The following CDH13 variants were observed in gnomAD, a reference collection of about 807,000 sequenced individuals.
CDH13 encodes cadherin-13.
CDH13 carries 24 observed loss-of-function variants against 63.8 expected under a neutral mutation model. That is an observed-to-expected ratio of 0.38 (90% CI 0.27 to 0.53). The LOEUF (loss-of-function observed/expected upper bound fraction) is 0.53, where lower values mean the gene tolerates loss of function less well. Among genes scored for constraint, CDH13 ranks in the 20% least tolerant of loss-of-function variants. The probability of loss-of-function intolerance (pLI) is 0.85; values close to 1 mark genes in which losing one functional copy is unlikely to be tolerated. For synonymous variants in CDH13, 503 were observed against 355.3 expected, an observed-to-expected ratio of 1.42 and a Z score of -4.67; for missense variants, 1,049 against 903.1, an observed-to-expected ratio of 1.16 and a Z score of -2.07.
intron 2 of CDH13, among the ~76,000 whole-genome samples, chr16:82,962,601 G>GTCTA (rs1335353060): frequency 6.6e-6 from 1 of 152,162 alleles, no homozygotes; most frequent in Non-Finnish European, 1.5e-5. Context: ...GAGTAGGAAG[G>GTCTA]TCTAGAAGAG....
intron 8 of CDH13, among the ~76,000 whole-genome samples, chr16:83,621,281 C>G (rs546330928): frequency 2.6e-4 from 39 of 152,248 alleles, no homozygotes; most frequent in African/African-American, 9.1e-4. Flanking sequence ...CTCCAGTGGT[C>G]TAGCCCTTGG....
intron 1 of CDH13, among the ~76,000 whole-genome samples, chr16:82,645,843 T>A (rs531656063): frequency 6.6e-6 from 1 of 152,342 alleles, no homozygotes; most frequent in Non-Finnish European, 1.5e-5. Flanking sequence ...CCATGGTTAT[T>A]CCAAAGGGCA....
chr16:82,847,531 C>A (rs1240770648), intron 1 of CDH13, among the ~76,000 whole-genome samples: 1 of 152,204 alleles, frequency 6.6e-6, no homozygotes, highest in Non-Finnish European at 1.5e-5. Context: ...ATCCTTTCTT[C>A]CATTTTCAAA....
intron 2 of CDH13, among the ~76,000 whole-genome samples, chr16:82,957,889 C>A (rs1906362699): frequency 6.6e-6 from 1 of 152,158 alleles, no homozygotes; most frequent in Non-Finnish European, 1.5e-5. Flanking sequence ...GACATGATAG[C>A]TGGAAAATGT....
At chr16:83,713,132 C>A (rs549805504) in intron 10 of CDH13, among the ~76,000 whole-genome samples, 1 of 152,196 alleles carries the variant, frequency 6.6e-6, no homozygotes, top group African/African-American at 2.4e-5. Context: ...TCCATCTCTA[C>A]CACCTAGCAG....
At chr16:82,862,686 A>G (rs946365385) in intron 2 of CDH13, among the ~76,000 whole-genome samples, 9 of 152,346 alleles carry the variant, frequency 5.9e-5, no homozygotes, top group African/African-American at 1.9e-4. Flanking sequence ...AACTTGCATC[A>G]CATGTTTAGG....
rs1357157078 is a variant in CDH13, at chr16:83,512,634, C to T, written c.960+25979C>T. 2.0e-5 allele frequency among the ~76,000 whole-genome samples: 3 copies of T among 150,324 alleles called. No individual in the cohort carries two copies. The East Asian group carries it at 5.8e-4, about 29-fold the overall frequency. On this transcript the variant is annotated intron_variant, in intron 7 of 13. Transcript: ENST00000567109. ...AGTGAGCTGAGATCATGCCACTGCA[C>T]TCCAGCCTTGGCAACAGAGTGAGAC...
chr16:83,057,098 C>T (rs2031025385), intron 3 of CDH13, among the ~76,000 whole-genome samples: 1 of 152,162 alleles, frequency 6.6e-6, no homozygotes, highest in African/African-American at 2.4e-5. Flanking sequence ...TCCTAAGTAG[C>T]TGGGATTACA....
chr16:83,050,357 G>C (rs2030170722), intron 3 of CDH13, among the ~76,000 whole-genome samples: 2 of 152,058 alleles, frequency 1.3e-5, no homozygotes, highest in Admixed American at 6.5e-5. Context: ...TCAACTCTTT[G>C]AGAAGTCACC....
intron 5 of CDH13, among the ~76,000 whole-genome samples, chr16:83,277,661 A>T (rs540322382): frequency 2.0e-5 from 3 of 152,288 alleles, no homozygotes; most frequent in South Asian, 2.1e-4. Flanking sequence ...ATTGAACCAG[A>T]CTCAAAGTAG....
intron 3 of CDH13, among the ~76,000 whole-genome samples, chr16:83,039,103 C>T (rs1016717002): frequency 6.6e-6 from 1 of 152,162 alleles, no homozygotes; most frequent in African/African-American, 2.4e-5. Flanking sequence ...CAAAAGTCTC[C>T]CATGGCCCAG....
chr16:83,003,207 G>A (rs538410929), intron 2 of CDH13, among the ~76,000 whole-genome samples: 1 of 152,298 alleles, frequency 6.6e-6, no homozygotes, highest in African/African-American at 2.4e-5. Context: ...GCTGGCCTCT[G>A]AGGCCAATGC....
At chr16:83,312,314 C>T (rs545262122) in intron 5 of CDH13, among the ~76,000 whole-genome samples, 12 of 152,250 alleles carry the variant, frequency 7.9e-5, no homozygotes, top group African/African-American at 2.9e-4. Context: ...CAGGGAAAAA[C>T]TGCCAACTAA....
At chr16:83,536,516 A>C (rs60144790) in intron 7 of CDH13, among the ~76,000 whole-genome samples, 11,605 of 152,228 alleles carry the variant, frequency 0.076, 503 homozygotes, top group Middle Eastern at 0.19. Context: ...GTGTGGGTGT[A>C]GATAAGGCTG....
intron 1 of CDH13, among the ~76,000 whole-genome samples, chr16:82,818,488 G>A (rs1375332419): frequency 6.6e-6 from 1 of 152,104 alleles, no homozygotes; most frequent in Non-Finnish European, 1.5e-5. Context: ...TTCCATAAAA[G>A]AAAAAGTTAC....
intron 6 of CDH13, among the ~76,000 whole-genome samples, chr16:83,422,803 G>C (rs2071756622): frequency 6.6e-6 from 1 of 152,128 alleles, no homozygotes; most frequent in Admixed American, 6.5e-5. Context: ...TCATGAGCCT[G>C]TTTTGATAAT....
intron 1 of CDH13, among the ~76,000 whole-genome samples, chr16:82,679,856 G>C (rs1344345534): frequency 6.6e-6 from 1 of 152,128 alleles, no homozygotes; most frequent in Non-Finnish European, 1.5e-5. Flanking sequence ...AAACAGATGT[G>C]GAACAAGTTT....
chr16:83,690,482 C>T (rs573388498), intron 10 of CDH13, among the ~76,000 whole-genome samples: 31 of 152,176 alleles, frequency 2.0e-4, no homozygotes, highest in Admixed American at 3.9e-4. Context: ...CAGGATTGTG[C>T]CCAGCGCACA....
chr16:83,537,395 T>G (rs1464036865), intron 7 of CDH13, among the ~76,000 whole-genome samples: 1 of 152,234 alleles, frequency 6.6e-6, no homozygotes, highest in East Asian at 1.9e-4. Flanking sequence ...GCACTTAATT[T>G]GGCTTGAATA....
Sources: gnomAD v4.1 joint callset for allele counts (sites outside exome capture counted in the v4.1 genomes callset) on GRCh38, gnomAD v4.1.1 for gene constraint, MANE v1.5 for transcripts, NCBI Gene and HGNC (gene_info 2026-07-23, HGNC 2026-07-21) for gene names.